The following PAK1 variants were observed in gnomAD, a reference collection of about 807,000 sequenced individuals.
PAK1 encodes serine/threonine-protein kinase PAK 1.
Under a neutral mutation model 67.4 loss-of-function variants are expected in PAK1, and 29 were observed. The ratio of observed to expected loss-of-function variants is 0.43; its 90% confidence interval spans 0.32 to 0.59. The LOEUF (loss-of-function observed/expected upper bound fraction) is 0.59, where lower values mean the gene tolerates loss of function less well. Ranked by LOEUF, PAK1 falls within the 20% of genes least tolerant of loss-of-function variation. The pLI, the probability that PAK1 is intolerant of heterozygous loss-of-function variation, is 0.07. For synonymous variants in PAK1, 223 were observed against 237.4 expected, an observed-to-expected ratio of 0.94 and a Z score of 0.56; for missense variants, 337 against 670.7, an observed-to-expected ratio of 0.50 and a Z score of 5.50.
chr11:77,332,713 T>C lies in PAK1; in HGVS notation c.1551+17A>G, dbSNP rs769064171. The C allele has an allele frequency of 6.8e-6, 11 of 1,609,398 alleles. No homozygotes were observed. The East Asian group carries it at 2.5e-4, about 36-fold the overall frequency. ...TGATTCCCTGAATTAGGTGCTTCCCTGCATAAGGACAGTTACCTGTAGCAG... is the reference window on the plus strand; with the variant it reads ...TGATTCCCTGAATTAGGTGCTTCCCCGCATAAGGACAGTTACCTGTAGCAG... On this transcript the variant is annotated intron_variant, in intron 14 of 14. Transcript: ENST00000356341.
chr11:77,526,210 ACACCTTTTCATGGC>A, the PAK1 span, among the ~76,000 whole-genome samples: 2 of 152,196 alleles, frequency 1.3e-5, no homozygotes, highest in African/African-American at 4.8e-5. Context: ...TTATTCTTTG[ACACCTTTTCATGGC>A]CAATTGAGAA....
chr11:77,471,320 T>G (rs765357936), intron 1 of PAK1, among the ~76,000 whole-genome samples: 8 of 152,108 alleles, frequency 5.3e-5, no homozygotes, highest in Non-Finnish European at 1.2e-4. Context: ...TTCTCAAACT[T>G]TAGCAAGCAT....
At chr11:77,345,365 C>T (rs985750800) in intron 9 of PAK1, among the ~76,000 whole-genome samples, 2 of 152,062 alleles carry the variant, frequency 1.3e-5, no homozygotes, top group African/African-American at 4.8e-5. Context: ...ATGGGCTCCT[C>T]TATCCCATAG....
intron 14 of PAK1, chr11:77,329,398 A>C (rs1940887833): frequency 6.6e-6 from 1 of 152,240 alleles, no homozygotes; most frequent in South Asian, 2.1e-4. Flanking sequence ...AATACTGGCA[A>C]ACCGAATCCA....
At chr11:77,355,558 G>C in intron 7 of PAK1, 110 bp downstream of exon 7, 1 of 825,322 alleles carries the variant, frequency 1.2e-6, no homozygotes, top group Non-Finnish European at 2.0e-6. Flanking sequence ...CTGTGCCTAA[G>C]GTACCAAGCA....
chr11:77,516,526 T>C, the PAK1 span, among the ~76,000 whole-genome samples: 1 of 152,218 alleles, frequency 6.6e-6, no homozygotes, highest in African/African-American at 2.4e-5. Flanking sequence ...GTGTCAGGTA[T>C]TATATAATTA....
intron 1 of PAK1, among the ~76,000 whole-genome samples, chr11:77,466,558 G>A (rs1473152130): frequency 3.3e-5 from 5 of 151,314 alleles, no homozygotes; most frequent in African/African-American, 1.2e-4. Context: ...AGCCGACATC[G>A]CATCACTGCA....
intron 10 of PAK1, among the ~76,000 whole-genome samples, chr11:77,342,068 C>A (rs1943689895): frequency 6.6e-6 from 1 of 152,066 alleles, no homozygotes; most frequent in Admixed American, 6.6e-5. Context: ...GGAGGTGGGG[C>A]CTTTGGAAGG....
chr11:77,368,338 T>C (rs1051836239), intron 5 of PAK1, among the ~76,000 whole-genome samples: 5 of 152,198 alleles, frequency 3.3e-5, no homozygotes, highest in Non-Finnish European at 7.3e-5. Flanking sequence ...TGAAAAAATA[T>C]GTGTAACCTG....
intron 14 of PAK1, among the ~76,000 whole-genome samples, chr11:77,329,578 C>G (rs1940940548): frequency 1.3e-5 from 2 of 152,096 alleles, no homozygotes; most frequent in Admixed American, 1.3e-4. Flanking sequence ...TGACAAAATT[C>G]AACAACCCTT....
chr11:77,323,310 A>C lies in PAK1; in HGVS notation c.1602T>G (p.Ile534Met). ...AKPLSSLTPL[I>M]AAAKEATKNN... ...TCTTTGTTGCCTCCTTAGCTGCAGCAATCAGTGGAGTGAGGCTGGAGAGGG... is the reference window on the plus strand; with the variant it reads ...TCTTTGTTGCCTCCTTAGCTGCAGCCATCAGTGGAGTGAGGCTGGAGAGGG... Residue 534 changes from isoleucine (I) to methionine (M), a missense_variant, in exon 15 of 15, where the codon ATT becomes ATG. By Grantham distance (10) the Ile-to-Met change is conservative (BLOSUM62 1). Coordinates refer to ENST00000356341, the MANE Select transcript of PAK1 (RefSeq NM_002576.5). The C allele has an allele frequency of 2.5e-6, 4 of 1,614,102 alleles. No individual in the cohort carries two copies. Among genetic ancestry groups the C allele is most frequent in the Non-Finnish European group, 3.4e-6 (4 of 1,179,974 alleles).
chr11:77,468,896 T>C (rs554319282), intron 1 of PAK1, among the ~76,000 whole-genome samples: 18 of 152,316 alleles, frequency 1.2e-4, no homozygotes, highest in South Asian at 8.3e-4. Context: ...TCTATTAATA[T>C]GATCCTCAGC....
At chr11:77,513,164 T>C in the PAK1 span, among the ~76,000 whole-genome samples, 2 of 152,198 alleles carry the variant, frequency 1.3e-5, no homozygotes, top group East Asian at 3.9e-4. Context: ...GGTAAGCAGA[T>C]AATTCAGTTG....
chr11:77,335,994 G>A, intron 13 of PAK1, 92 bp downstream of exon 13: 1 of 753,916 alleles, frequency 1.3e-6, no homozygotes, highest in Non-Finnish European at 2.1e-6. Flanking sequence ...GGGATCTCCA[G>A]GTTGAAAACC....
upstream of PAK1, among the ~76,000 whole-genome samples, chr11:77,477,930 A>AGTTT (rs1481118528): frequency 5.3e-5 from 8 of 152,228 alleles, no homozygotes; most frequent in African/African-American, 1.9e-4. Flanking sequence ...CTCAAAAATA[A>AGTTT]ACAAGTAAGA....
intron 1 of PAK1, chr11:77,397,224 A>C (rs558077798): frequency 1.3e-5 from 2 of 152,292 alleles, no homozygotes; most frequent in Admixed American, 6.5e-5. Flanking sequence ...CCAATGCCCC[A>C]GAGGCTCAGG....
In PAK1 at chr11:77,352,131, G is replaced by T. The variant is rs1945338099; in HGVS notation, c.836+1405C>A. 2.6e-5 allele frequency among the ~76,000 whole-genome samples: 4 copies of T among 151,194 alleles called. No individual in the cohort carries two copies. The South Asian group carries it at 8.4e-4, about 32-fold the overall frequency. ...CATAGTATCTGCTCTTTTATATCTG[G>T]CTTTTTTCACTCAAAATAATGGCCA... is the stretch of plus-strand genomic sequence containing the variant. On this transcript the variant is annotated intron_variant, in intron 8 of 14. Transcript: ENST00000356341.
At chr11:77,382,688 A>C (rs1176326299) in intron 2 of PAK1, among the ~76,000 whole-genome samples, 3 of 152,174 alleles carry the variant, frequency 2.0e-5, no homozygotes. Flanking sequence ...TACTTAGTTG[A>C]AGAACACTCT....
chr11:77,366,662 C>T (rs1381571037), intron 5 of PAK1, among the ~76,000 whole-genome samples: 1 of 152,066 alleles, frequency 6.6e-6, no homozygotes, highest in Non-Finnish European at 1.5e-5. Context: ...CACTTCACAC[C>T]CACTAAAATG....
Sources: allele counts gnomAD v4.1 joint callset (sites outside exome capture counted in the v4.1 genomes callset), GRCh38; gene constraint gnomAD v4.1.1; transcripts MANE v1.5; gene names NCBI Gene and HGNC (gene_info 2026-07-23, HGNC 2026-07-21).